Variants in XNDC1N observed in about 807,000 individuals in gnomAD.
XNDC1N encodes protein XNDC1N.
At chr11:71,888,561 G>A in the XNDC1N span, among the ~76,000 whole-genome samples, 24 of 152,308 alleles carry the variant, frequency 1.6e-4, no homozygotes, top group African/African-American at 4.8e-4. Flanking sequence ...ATGGCAGCTG[G>A]ACTTTGAACC....
At chr11:71,923,298 G>A in the XNDC1N span, 5,756 of 702,902 alleles carry the variant, frequency 8.2e-3, 220 homozygotes, top group African/African-American at 0.089. Context: ...CATGCCTGCT[G>A]ATTAATATAC....
At chr11:71,893,355 T>C in the XNDC1N span, 1 of 615,052 alleles carries the variant, frequency 1.6e-6, no homozygotes. Flanking sequence ...CGGTGTATGG[T>C]CCGCAAGTGT....
At chr11:71,899,316 G>T in the XNDC1N span, among the ~76,000 whole-genome samples, 1 of 152,158 alleles carries the variant, frequency 6.6e-6, no homozygotes. Flanking sequence ...GGAGGACAGT[G>T]GACCTGTTCT....
At chr11:71,906,827 T>C in the XNDC1N span, among the ~76,000 whole-genome samples, 4 of 152,104 alleles carry the variant, frequency 2.6e-5, no homozygotes, top group Admixed American at 2.6e-4. Flanking sequence ...ATCTGTGGCA[T>C]TAAAAGAAAC....
At chr11:71,911,152 A>G in the XNDC1N span, among the ~76,000 whole-genome samples, 6 of 152,242 alleles carry the variant, frequency 3.9e-5, no homozygotes, top group South Asian at 2.1e-4. Flanking sequence ...CAAGAAGCAA[A>G]TAAGTTGACT....
At chr11:71,899,101 G>A in the XNDC1N span, among the ~76,000 whole-genome samples, 2 of 152,126 alleles carry the variant, frequency 1.3e-5, no homozygotes, top group Non-Finnish European at 2.9e-5. Context: ...CATCCTTAGA[G>A]GTTGGGGAAC....
the XNDC1N span, among the ~76,000 whole-genome samples, chr11:71,904,302 T>C: frequency 6.6e-6 from 1 of 152,266 alleles, no homozygotes; most frequent in Admixed American, 6.5e-5. Flanking sequence ...CACTGTGATA[T>C]TAGAAGCAAT....
At chr11:71,898,919 T>A in the XNDC1N span, among the ~76,000 whole-genome samples, 3 of 152,114 alleles carry the variant, frequency 2.0e-5, no homozygotes, top group African/African-American at 7.2e-5. Context: ...TTTTAATATT[T>A]ATATGTGGTA....
the XNDC1N span, chr11:71,916,166 C>T: frequency 2.8e-6 from 2 of 702,926 alleles, no homozygotes; most frequent in Non-Finnish European, 5.2e-6. Flanking sequence ...AAGGCCAGGC[C>T]AAAGGACTGA....
At chr11:71,879,855 G>T in the XNDC1N span, among the ~76,000 whole-genome samples, 4 of 152,072 alleles carry the variant, frequency 2.6e-5, no homozygotes, top group Non-Finnish European at 4.4e-5. Flanking sequence ...GATCCTTCAT[G>T]TCTGCCTTCT....
At chr11:71,890,866 C>A in the XNDC1N span, among the ~76,000 whole-genome samples, 2 of 151,876 alleles carry the variant, frequency 1.3e-5, no homozygotes, top group Admixed American at 6.6e-5. Flanking sequence ...TCATAGAATT[C>A]TCTCTCCCCT....
chr11:71,880,426 G>C, the XNDC1N span, among the ~76,000 whole-genome samples: 1 of 152,046 alleles, frequency 6.6e-6, no homozygotes. Flanking sequence ...GGTTAGTCTA[G>C]CTAGCAGTTT....
At chr11:71,904,295 T>G in the XNDC1N span, among the ~76,000 whole-genome samples, 2 of 152,168 alleles carry the variant, frequency 1.3e-5, no homozygotes, top group African/African-American at 4.8e-5. Context: ...GTACACCCAC[T>G]GTGATATTAG....
At chr11:71,910,856 C>T in the XNDC1N span, among the ~76,000 whole-genome samples, 3 of 152,126 alleles carry the variant, frequency 2.0e-5, no homozygotes, top group Non-Finnish European at 4.4e-5. Flanking sequence ...TATGAGGTCA[C>T]CAAGGGGACA....
chr11:71,897,003 G>A, the XNDC1N span, among the ~76,000 whole-genome samples: 13 of 152,316 alleles, frequency 8.5e-5, no homozygotes, highest in African/African-American at 2.9e-4. Context: ...TCAAGAAATG[G>A]TGTTGGAGAA....
the XNDC1N span, among the ~76,000 whole-genome samples, chr11:71,894,702 C>A: frequency 6.6e-6 from 1 of 152,222 alleles, no homozygotes; most frequent in South Asian, 2.1e-4. Context: ...TTTTCATATA[C>A]ACGAAGTCCT....
At chr11:71,877,499 A>G in the XNDC1N span, among the ~76,000 whole-genome samples, 1 of 152,184 alleles carries the variant, frequency 6.6e-6, no homozygotes, top group South Asian at 2.1e-4. Context: ...TTAGCCAGGC[A>G]TGGAGACGTG....
chr11:71,867,297 G>A, the XNDC1N span, among the ~76,000 whole-genome samples: 1 of 152,180 alleles, frequency 6.6e-6, no homozygotes, highest in African/African-American at 2.4e-5. Context: ...TCCACCCACA[G>A]AACAGTGATT....
chr11:71,884,968 G>A, the XNDC1N span, among the ~76,000 whole-genome samples: 3 of 152,006 alleles, frequency 2.0e-5, no homozygotes, highest in Admixed American at 1.3e-4. Flanking sequence ...ACGATGCAGG[G>A]AGTAAGAGCC....
Sources: allele counts gnomAD v4.1 joint callset (sites outside exome capture counted in the v4.1 genomes callset), GRCh38; gene constraint gnomAD v4.1.1; transcripts MANE v1.5; gene names NCBI Gene and HGNC (gene_info 2026-07-23, HGNC 2026-07-21).